KIAA1549: variants seen among roughly 807,000 people sequenced by gnomAD.
The protein encoded by KIAA1549 is KIAA1549.
In KIAA1549, 70 loss-of-function variants were observed where a neutral mutation model predicts 156.4. That is an observed-to-expected ratio of 0.45 (90% confidence interval 0.37 to 0.55). The LOEUF (loss-of-function observed/expected upper bound fraction) is 0.55. KIAA1549 is among the 20% of genes least tolerant of loss of function. The pLI is 0.00. For synonymous variants in KIAA1549, 1,103 were observed against 1,066.4 expected (o/e 1.03, Z -0.67); for missense variants, 2,428 against 2,540.9 (o/e 0.96, Z 0.96).
rs776515094 is a variant in KIAA1549 at position 138,918,891 on chromosome 7, A to T, written c.735T>A (p.Thr245=). The T allele has an allele frequency of 4.3e-6, 7 of 1,614,034 alleles. No homozygotes were observed. Among genetic ancestry groups the T allele is most frequent in the Non-Finnish European group, 5.9e-6 (7 of 1,179,896 alleles). The change falls in exon 2 of 20, where the codon ACT becomes ACA. Residue 245 remains threonine (T), a synonymous_variant. Transcript: ENST00000422774. The surrounding 1 kb of genome is among the most constrained non-coding windows in gnomAD (Gnocchi z 4.2). Reference sequence around the variant, plus strand: ...GATAAAGCACCAAATTCCTGCCAGGAGTTGGAACGATGCCCTCAGAGGTGC... The same window carrying T: ...GATAAAGCACCAAATTCCTGCCAGGTGTTGGAACGATGCCCTCAGAGGTGC... ...AFRTSEGIVP[T]PGRNLVLYPT...
At chr7:138,845,032 C>T (rs1013700143) in intron 17 of KIAA1549, among the ~76,000 whole-genome samples, 1 of 152,030 alleles carries the variant, frequency 6.6e-6, no homozygotes, top group Non-Finnish European at 1.5e-5. Flanking sequence ...AGCAGCGGAT[C>T]GCAAACTTTT....
intron 1 of KIAA1549, among the ~76,000 whole-genome samples, chr7:138,947,853 C>T (rs1299171983): frequency 6.6e-6 from 1 of 152,048 alleles, no homozygotes. Context: ...AACTCTGCCT[C>T]CTGGGCTCAA....
intron 19 of KIAA1549, 134 bp from the exon 20 acceptor site, chr7:138,838,294 T>A: frequency 5.7e-6 from 5 of 878,664 alleles, no homozygotes; most frequent in Non-Finnish European, 8.4e-6. Flanking sequence ...AGGGCCCTGC[T>A]GCCTATGCTG....
chr7:138,842,648 G>A (rs1198879210), intron 18 of KIAA1549, among the ~76,000 whole-genome samples: 1 of 150,662 alleles, frequency 6.6e-6, no homozygotes. Flanking sequence ...CGCCGAGACT[G>A]TGCCACTGCA....
intron 1 of KIAA1549, among the ~76,000 whole-genome samples, chr7:138,929,686 T>TTTTTG (rs1264488223): frequency 6.6e-6 from 1 of 152,156 alleles, no homozygotes; most frequent in Non-Finnish European, 1.5e-5. Context: ...TTCTTTTATC[T>TTTTTG]TTTTGTTTTG....
chr7:138,838,737 C>G (rs1216483026), intron 19 of KIAA1549, among the ~76,000 whole-genome samples: 1 of 152,026 alleles, frequency 6.6e-6, no homozygotes. Context: ...GTACTTAAAT[C>G]TGCGTACTAA....
At chr7:138,891,640 G>A (rs894692189) in intron 10 of KIAA1549, among the ~76,000 whole-genome samples, 1 of 152,182 alleles carries the variant, frequency 6.6e-6, no homozygotes, top group Non-Finnish European at 1.5e-5. Flanking sequence ...GAGGGGAAGG[G>A]GGGTGCAGAT....
chr7:138,868,918 G>A (rs1254055956), intron 14 of KIAA1549, among the ~76,000 whole-genome samples: 1 of 152,158 alleles, frequency 6.6e-6, no homozygotes. Flanking sequence ...GCCGGCCTGC[G>A]ACGGGAGCAC....
intron 16 of KIAA1549, among the ~76,000 whole-genome samples, chr7:138,857,738 C>T (rs1276265033): frequency 6.6e-6 from 1 of 152,210 alleles, no homozygotes; most frequent in Non-Finnish European, 1.5e-5. Context: ...AAATGATCCT[C>T]TTAATCTTTA....
intron 1 of KIAA1549, among the ~76,000 whole-genome samples, chr7:138,964,938 A>G (rs1486281120): frequency 6.6e-6 from 1 of 151,964 alleles, no homozygotes; most frequent in East Asian, 1.9e-4. Context: ...CGATGCTCAT[A>G]GCAGTGTTTT....
chr7:138,850,217 T>C (rs998300756), intron 17 of KIAA1549, among the ~76,000 whole-genome samples: 2 of 152,188 alleles, frequency 1.3e-5, no homozygotes, highest in Non-Finnish European at 2.9e-5. Flanking sequence ...GGATCCACTC[T>C]GTGCTGCTGT....
At chr7:138,900,199 AATTTCACG>A (rs1321527402) in intron 8 of KIAA1549, among the ~76,000 whole-genome samples, 1 of 152,168 alleles carries the variant, frequency 6.6e-6, no homozygotes, top group Non-Finnish European at 1.5e-5. Context: ...GCAGATCAGC[AATTTCACG>A]ATTTCACTGT....
chr7:138,916,631 T>C (rs1204926863), intron 2 of KIAA1549, 117 bp downstream of exon 2: 15 of 1,483,748 alleles, frequency 1.0e-5, no homozygotes, highest in Non-Finnish European at 1.3e-5. Context: ...ACCTGGGAGT[T>C]AACTGAGCCC....
chr7:138,832,190 C>CTTTTTTTTTTTTTTTTTTTT lies in KIAA1549; in HGVS notation c.*5715_*5716insAAAAAAAAAAAAAAAAAAAA, dbSNP rs1563039449. 344 of 169,848 alleles carry CTTTTTTTTTTTTTTTTTTTT rather than the reference C, an allele frequency of 2.0e-3. 24 individuals carry two copies. The highest frequency in any genetic ancestry group is 4.2e-3 in the African/African-American group (127 of 30,124). 10.5% of individuals were successfully genotyped at this position (169,848 alleles called of 1,614,324 possible). A position where few individuals can be genotyped will look rare whatever the true frequency, so the allele number is the denominator to read the frequency against. ...TTCACCTCTGTCCCTTTTACCTATT[C>CTTTTTTTTTTTTTTTTTTTT]CTTTTTTTTTTTTTTTTTTTTCCAG... On this transcript the variant is annotated 3_prime_UTR_variant, in exon 20 of 20. Transcript: ENST00000422774.
Position 138,916,966 on chromosome 7 carries a change from C to A in KIAA1549, c.2660G>T (p.Ser887Ile). 1 of 1,602,184 alleles carries A rather than the reference C, an allele frequency of 6.2e-7. No homozygotes were observed. Among genetic ancestry groups the A allele is most frequent in the Non-Finnish European group, 8.5e-7 (1 of 1,174,028 alleles). The change falls in exon 2 of 20, where the codon AGC becomes ATC. Residue 887 changes from serine to isoleucine, a missense_variant. This residue lies in a region of KIAA1549 where 762 missense variants were observed against 901.6 expected (regional missense o/e 0.85). Coordinates refer to ENST00000422774, the MANE Select transcript of KIAA1549 (RefSeq NM_001164665.2). ...LNTSTEVSTT[S>I]TGAATGGPLD... ...GGGACCACCAGTGGCAGCACCGGTGCTGGTTGTGCTCACTTCCGTGGAGGT... is the reference window on the plus strand; with the variant it reads ...GGGACCACCAGTGGCAGCACCGGTGATGGTTGTGCTCACTTCCGTGGAGGT...
At chr7:138,972,249 G>C (rs1814241449) in intron 1 of KIAA1549, among the ~76,000 whole-genome samples, 3 of 151,978 alleles carry the variant, frequency 2.0e-5, no homozygotes, top group Admixed American at 2.0e-4. Context: ...CTTCCTCCAT[G>C]TTCCACTTCA....
In KIAA1549 at chr7:138,838,074, G is replaced by A. The variant is rs368209132; in HGVS notation, c.5685C>T (p.Ser1895=). 1.6e-5 allele frequency: 25 copies of A among 1,589,108 alleles called. No homozygotes were observed. The East Asian group carries it at 2.1e-4, about 13-fold the overall frequency. ...GCAGTCCCCGGTGGGGGAGGTTCCC[G>A]GAAGGAGCTGAGGGCTCCCTGCCTG... ...RTSGREPSAP[S]GNLPHRGLQG... The change falls in exon 20 of 20, where the codon TCC becomes TCT. Residue 1895 remains serine, a synonymous_variant. Coordinates refer to ENST00000422774, the MANE Select transcript of KIAA1549 (RefSeq NM_001164665.2).
chr7:138,911,194 C>T lies in KIAA1549; in HGVS notation c.3097G>A (p.Val1033Met). The T allele has an allele frequency of 6.3e-7, 1 of 1,599,194 alleles. No individual in the cohort carries two copies. Among genetic ancestry groups the T allele is most frequent in the Non-Finnish European group, 8.5e-7 (1 of 1,172,590 alleles). The change falls in exon 4 of 20, where the codon GTG becomes ATG. Residue 1033 changes from valine (V) to methionine (M), a missense_variant. Physicochemically the swap from Val to Met is conservative, Grantham distance 21. Around this residue, in one of 5 missense-constraint regions of KIAA1549, gnomAD observed 762 missense variants for 901.6 expected, o/e 0.85. Transcript: ENST00000422774. ...TCTGGCACAAGGAAAGAAGGTTTCA[C>T]AGACAGGATTAAAGGAGTCTGGTCA... ...VRDQTPLILS[V>M]KPSFLVPESR... is the part of the protein sequence containing the mutation.
In KIAA1549 at chr7:138,905,051, T is replaced by C; in HGVS notation, c.3491A>G (p.Gln1164Arg). 6.4e-7 allele frequency: 1 copy of C among 1,570,098 alleles called. No individual in the cohort carries two copies. Among genetic ancestry groups the C allele is most frequent in the Non-Finnish European group, 8.7e-7 (1 of 1,153,728 alleles). ...TCTGACCCAAGAGGACTTCAGCAACTGAGATAAGTTGAGCTGTGGATACTG... is the reference window on the plus strand; with the variant it reads ...TCTGACCCAAGAGGACTTCAGCAACCGAGATAAGTTGAGCTGTGGATACTG... ...PFQYPQLNLS[Q>R]LLKSSWVRTV... The change falls in exon 7 of 20, where the codon CAG becomes CGG. Residue 1164 changes from glutamine (Q) to arginine (R), a missense_variant. Around this residue, in one of 5 missense-constraint regions of KIAA1549, gnomAD observed 762 missense variants for 901.6 expected, o/e 0.85. Coordinates refer to ENST00000422774, the MANE Select transcript of KIAA1549 (RefSeq NM_001164665.2).
Sources: allele counts gnomAD v4.1 joint callset (sites outside exome capture counted in the v4.1 genomes callset), GRCh38; gene constraint gnomAD v4.1.1; regional missense constraint gnomAD v4.1.1; non-coding constraint Gnocchi (gnomAD v3.1); transcripts MANE v1.5; gene names NCBI Gene and HGNC (gene_info 2026-07-23, HGNC 2026-07-21).